SPAST: variants seen among roughly 807,000 people sequenced by gnomAD.
SPAST encodes the protein spastic paraplegia 4 (autosomal dominant; spastin).
SPAST carries 30 observed loss-of-function variants against 76.6 expected under a neutral mutation model. The ratio of observed to expected loss-of-function variants is 0.39; its 90% confidence interval spans 0.29 to 0.53. The LOEUF is 0.53. SPAST is among the 20% of genes least tolerant of loss of function. The pLI is 0.68. For missense variants in SPAST, 717 were observed against 770.5 expected (o/e 0.93, Z 0.82); for synonymous variants, 305 against 281.0 (o/e 1.09, Z -0.86).
At chr2:32,112,562 T>G (rs1044172299) in intron 4 of SPAST, among the ~76,000 whole-genome samples, 8 of 152,102 alleles carry the variant, frequency 5.3e-5, no homozygotes, top group Non-Finnish European at 1.0e-4. Context: ...TGGTCAGGCT[T>G]GTCTCAAACT....
At chr2:32,080,591 G>T (rs960680891) in intron 1 of SPAST, among the ~76,000 whole-genome samples, 1 of 127,132 alleles carries the variant, frequency 7.9e-6, no homozygotes, top group Non-Finnish European at 1.7e-5. Context: ...ACTAGGGACT[G>T]TTGGGAGCTA....
chr2:32,105,205 T>A (rs926567771), intron 4 of SPAST, among the ~76,000 whole-genome samples: 3 of 152,212 alleles, frequency 2.0e-5, no homozygotes, highest in Admixed American at 1.3e-4. Flanking sequence ...ATTCATTTGA[T>A]CTTCAATCAC....
chr2:32,149,939 C>T (rs538162976), intron 16 of SPAST, among the ~76,000 whole-genome samples: 1 of 151,094 alleles, frequency 6.6e-6, no homozygotes, highest in Admixed American at 6.6e-5. Context: ...GAACTGTTAA[C>T]ACAGATAACA....
At chr2:32,066,083 C>T (rs1185512230) in intron 1 of SPAST, 1 of 151,212 alleles carries the variant, frequency 6.6e-6, no homozygotes, top group Non-Finnish European at 1.5e-5. Flanking sequence ...AGGCGATTCT[C>T]TTGCCTCAGT....
chr2:32,133,628 C>T (rs565947623), intron 9 of SPAST, among the ~76,000 whole-genome samples: 16 of 151,172 alleles, frequency 1.1e-4, no homozygotes, highest in South Asian at 1.0e-3. Context: ...CTTATATGTT[C>T]GAACAGTTAA....
intron 9 of SPAST, among the ~76,000 whole-genome samples, chr2:32,135,444 G>C (rs907844603): frequency 6.6e-6 from 1 of 151,960 alleles, no homozygotes; most frequent in Admixed American, 6.6e-5. Context: ...TATTTGTTTC[G>C]ATTATTCTAA....
At chr2:32,153,139 T>C (rs1680143011) in intron 16 of SPAST, among the ~76,000 whole-genome samples, 1 of 152,146 alleles carries the variant, frequency 6.6e-6, no homozygotes. Context: ...CATGGAGATA[T>C]CAAAGATGAT....
intron 7 of SPAST, among the ~76,000 whole-genome samples, chr2:32,118,692 T>C (rs1481213483): frequency 1.3e-5 from 2 of 152,172 alleles, no homozygotes; most frequent in Non-Finnish European, 2.9e-5. Context: ...AAGATTTTAG[T>C]TAAGTGGTAG....
chr2:32,092,871 G>T (rs981806827), intron 3 of SPAST, among the ~76,000 whole-genome samples: 1 of 152,060 alleles, frequency 6.6e-6, no homozygotes, highest in Non-Finnish European at 1.5e-5. Flanking sequence ...AGCCAGGCTG[G>T]TGGTACGCAC....
intron 1 of SPAST, among the ~76,000 whole-genome samples, chr2:32,070,346 G>A (rs1676697586): frequency 6.6e-6 from 1 of 151,966 alleles, no homozygotes; most frequent in African/African-American, 2.4e-5. Flanking sequence ...GGGATTACAG[G>A]TATGACCCAC....
intron 16 of SPAST, among the ~76,000 whole-genome samples, chr2:32,151,354 G>A (rs911514337): frequency 7.2e-5 from 11 of 152,078 alleles, no homozygotes; most frequent in Non-Finnish European, 1.0e-4. Context: ...TATTTATAAA[G>A]CACTTAAAGT....
At chr2:32,145,459 C>G (rs1164770609) in intron 15 of SPAST, among the ~76,000 whole-genome samples, 1 of 152,098 alleles carries the variant, frequency 6.6e-6, no homozygotes, top group Non-Finnish European at 1.5e-5. Flanking sequence ...GACTGTGACC[C>G]CTGTTCTAGG....
Position 32,085,276 on chromosome 2 carries a change from G to T in SPAST, c.416-2216G>T, listed in dbSNP as rs189015116. Reference sequence around the variant, plus strand: ...GGTTAGAGTGCAATGGTACAATCTGGTACAATCACATCTTAGTGCAACTTC... The same window carrying T: ...GGTTAGAGTGCAATGGTACAATCTGTTACAATCACATCTTAGTGCAACTTC... On this transcript the variant is annotated intron_variant, in intron 1 of 16. Transcript: ENST00000315285. Among the ~76,000 whole-genome samples the T allele has an allele frequency of 2.6e-4, 38 of 147,592 alleles. No homozygotes were observed. In the East Asian group the frequency reaches 5.8e-3, roughly 22 times the overall value.
chr2:32,071,016 G>A (rs1297448589), intron 1 of SPAST, among the ~76,000 whole-genome samples: 1 of 152,196 alleles, frequency 6.6e-6, no homozygotes, highest in Non-Finnish European at 1.5e-5. Context: ...AGGTTTTTAT[G>A]TTGTAATGCT....
chr2:32,144,905 A>G, intron 14 of SPAST, 32 bp from the exon 15 acceptor site: 3 of 1,535,636 alleles, frequency 2.0e-6, no homozygotes, highest in Middle Eastern at 1.7e-4. Context: ...GGGAGGGGAA[A>G]TAATTTGCTG....
rs769738677 is a variant in SPAST, at chr2:32,064,148, CGCCGGT to C, written c.323_328del (p.Val108_Pro109del). 1.3e-6 allele frequency: 2 copies of C among 1,560,280 alleles called. No homozygotes were observed. Among genetic ancestry groups the C allele is most frequent in the Non-Finnish European group, 1.7e-6 (2 of 1,153,124 alleles). The stretch of plus-strand genomic sequence containing the variant: ...GCACCTGCCTCGGCCTCGGCCCCGG[CGCCGGT>C]GCCGGGCGGCGAGGCCGAGCGCGTC... On this transcript the variant is annotated inframe_deletion, in exon 1 of 17. Coordinates refer to ENST00000315285, the MANE Select transcript of SPAST (RefSeq NM_014946.4).
Position 32,083,736 on chromosome 2 carries a change from TATATTTATATATACTATATA to T in SPAST, c.416-3755_416-3736del, listed in dbSNP as rs1677339032. ...ACTATATATATTTATATATACTATA[TATATTTATATATACTATATA>T]TATATATATATATATATATATTTTT... On this transcript the variant is annotated intron_variant, in intron 1 of 16. Coordinates refer to ENST00000315285, the MANE Select transcript of SPAST (RefSeq NM_014946.4). 3.4e-4 allele frequency among the ~76,000 whole-genome samples: 25 copies of T among 73,206 alleles called. 2 individuals carry two copies. The highest frequency in any genetic ancestry group is 5.9e-4 in the Non-Finnish European group (23 of 39,118). The allele number at this position is 73,206 out of a possible 152,430, so 48.0% of individuals were successfully genotyped here.
At chr2:32,153,898 G>A (rs1353585981) in intron 16 of SPAST, among the ~76,000 whole-genome samples, 2 of 152,026 alleles carry the variant, frequency 1.3e-5, no homozygotes, top group African/African-American at 2.4e-5. Flanking sequence ...CCATCATGGC[G>A]AAACCCTGTC....
chr2:32,138,340 G>A (rs1390803141), intron 12 of SPAST, among the ~76,000 whole-genome samples: 4 of 152,062 alleles, frequency 2.6e-5, no homozygotes, highest in Non-Finnish European at 5.9e-5. Context: ...CCAATCTGTA[G>A]ACAATATGGG....
Sources: gnomAD v4.1 joint callset for allele counts (sites outside exome capture counted in the v4.1 genomes callset) on GRCh38, gnomAD v4.1.1 for gene constraint, MANE v1.5 for transcripts, NCBI Gene and HGNC (gene_info 2026-07-23, HGNC 2026-07-21) for gene names.